NLRP5: variants seen among roughly 807,000 people sequenced by gnomAD.
NLRP5 encodes NLR family pyrin domain containing 5.
In NLRP5, 93 loss-of-function variants were observed where a neutral mutation model predicts 113.1. The ratio of observed to expected loss-of-function variants is 0.82; its 90% CI spans 0.70 to 0.98. The LOEUF is 0.98. Among genes scored for constraint, NLRP5 ranks in the 50% least tolerant of loss-of-function variants. The probability of loss-of-function intolerance (pLI) is 0.00; values close to 1 mark genes in which losing one functional copy is unlikely to be tolerated. For synonymous variants in NLRP5, 751 were observed against 600.7 expected, an observed-to-expected ratio of 1.25 and a Z score of -3.66; for missense variants, 1,808 against 1,514.3, an observed-to-expected ratio of 1.19 and a Z score of -3.22.
rs193035997 is a variant in NLRP5 at position 56,018,366 on chromosome 19, C to T, written c.566-976C>T. Among the ~76,000 whole-genome samples the T allele has an allele frequency of 6.8e-4, 103 of 152,280 alleles. 1 individual carries two copies. Among genetic ancestry groups the T allele is most frequent in the Non-Finnish European group, 3.2e-4 (22 of 68,024 alleles). ...ATTTAGCCTCACATGGTAACTATTT[C>T]CTGATAAATATATATAGTGGTTATT... On this transcript the variant is annotated intron_variant, in intron 4 of 14. Transcript: ENST00000390649.
At chr19:56,015,866 G>C in intron 4 of NLRP5, 68 bp downstream of exon 4, 6 of 1,226,410 alleles carry the variant, frequency 4.9e-6, no homozygotes, top group Non-Finnish European at 6.8e-6. Flanking sequence ...AGTTCATGTA[G>C]TTCAAAGGAC....
intron 11 of NLRP5, among the ~76,000 whole-genome samples, chr19:56,042,967 GTA>G (rs202099047): frequency 3.8e-4 from 52 of 135,658 alleles, no homozygotes; most frequent in African/African-American, 1.2e-3. Flanking sequence ...CATCATATAT[GTA>G]TGTGTGTGTG....
intron 3 of NLRP5, among the ~76,000 whole-genome samples, chr19:56,012,135 C>T (rs970983433): frequency 4.0e-5 from 6 of 151,756 alleles, no homozygotes; most frequent in South Asian, 2.1e-4. Flanking sequence ...GTGTTCTTCC[C>T]GTAGTGGCTG....
chr19:56,059,678 G>A (rs111444316), intron 14 of NLRP5, among the ~76,000 whole-genome samples: 20,399 of 152,114 alleles, frequency 0.13, 1,379 homozygotes, highest in East Asian at 0.14. Context: ...GGGATTATAG[G>A]TACGTGCCAC....
intron 6 of NLRP5, among the ~76,000 whole-genome samples, chr19:56,023,983 A>T (rs148948850): frequency 7.0e-4 from 106 of 152,242 alleles, no homozygotes; most frequent in African/African-American, 2.4e-3. Context: ...TTGAGTACCT[A>T]TCAGATATCA....
chr19:55,991,049 A>G, the NLRP5 span, among the ~76,000 whole-genome samples: 2 of 152,154 alleles, frequency 1.3e-5, no homozygotes, highest in African/African-American at 4.8e-5. Flanking sequence ...TGTTTACGTA[A>G]TGCATTCTTT....
At chr19:56,045,111 G>C (rs1242690145) in intron 11 of NLRP5, among the ~76,000 whole-genome samples, 1 of 152,192 alleles carries the variant, frequency 6.6e-6, no homozygotes, top group Admixed American at 6.6e-5. Flanking sequence ...CTTTCTGGAG[G>C]AGTCCTTAGA....
chr19:56,037,857 A>G (rs769072994), intron 9 of NLRP5, among the ~76,000 whole-genome samples, 168 bp from the exon 10 acceptor site: 13 of 151,918 alleles, frequency 8.6e-5, no homozygotes, highest in Non-Finnish European at 1.9e-4. Context: ...GGGAGGGAGG[A>G]GGGGAGGTTG....
chr19:56,019,623 C>G (rs536465290), intron 5 of NLRP5, among the ~76,000 whole-genome samples: 2 of 152,196 alleles, frequency 1.3e-5, no homozygotes, highest in Middle Eastern at 3.4e-3. Context: ...AGACAAAATT[C>G]TAAAGAACCC....
intron 13 of NLRP5, 37 bp downstream of exon 13, chr19:56,053,845 G>C (rs779261498): frequency 6.3e-7 from 1 of 1,597,970 alleles, no homozygotes; most frequent in Non-Finnish European, 8.6e-7. Flanking sequence ...GGCCGGGCTG[G>C]GAGGAGGTGG....
chr19:56,054,240 T>G (rs1008297032), intron 13 of NLRP5, among the ~76,000 whole-genome samples: 1 of 151,952 alleles, frequency 6.6e-6, no homozygotes, highest in Admixed American at 6.6e-5. Context: ...TCCAATATAG[T>G]GGACTATGGT....
intron 11 of NLRP5, among the ~76,000 whole-genome samples, chr19:56,046,150 G>A (rs306436): frequency 0.16 from 23,842 of 152,156 alleles, 1,965 homozygotes; most frequent in Middle Eastern, 0.22. Context: ...TTTGCTGAGA[G>A]TTTTAATCAT....
At chr19:56,000,468 C>G (rs1021902599) in intron 1 of NLRP5, among the ~76,000 whole-genome samples, 2 of 152,006 alleles carry the variant, frequency 1.3e-5, no homozygotes, top group African/African-American at 4.8e-5. Context: ...GGGTTCACAC[C>G]ATTCTCCTGC....
intron 9 of NLRP5, among the ~76,000 whole-genome samples, chr19:56,036,566 C>T (rs1245144185): frequency 6.6e-6 from 1 of 152,174 alleles, no homozygotes; most frequent in African/African-American, 2.4e-5. Context: ...TGCTCACAGG[C>T]CAGCACAGGG....
chr19:55,998,728 A>ATGTGTATATATATATATG (rs1555762465), upstream of NLRP5, among the ~76,000 whole-genome samples: 16 of 130,340 alleles, frequency 1.2e-4, no homozygotes, highest in Non-Finnish European at 2.2e-4. Flanking sequence ...ATATATATAT[A>ATGTGTATATATATATATG]TGTGTATATA....
the NLRP5 span, among the ~76,000 whole-genome samples, chr19:55,990,459 G>C: frequency 1.8e-3 from 271 of 152,150 alleles, 2 homozygotes; most frequent in African/African-American, 6.1e-3. Flanking sequence ...GGGAGGCCGA[G>C]GCAGGTGGAT....
upstream of NLRP5, among the ~76,000 whole-genome samples, chr19:55,995,328 T>C (rs1399788969): frequency 1.3e-5 from 2 of 152,206 alleles, no homozygotes; most frequent in Non-Finnish European, 2.9e-5. Context: ...CTGCACGTTG[T>C]GCACATGTAC....
At position 56,028,443 on chromosome 19, in the gene NLRP5, G is replaced by T. The variant is rs375006739; in HGVS notation, c.2210G>T (p.Arg737Leu). The T allele has an allele frequency of 3.9e-5, 63 of 1,613,898 alleles. No individual in the cohort carries two copies. Among genetic ancestry groups the T allele is most frequent in the Non-Finnish European group, 4.7e-5 (56 of 1,179,900 alleles). ...CACTGTCCGTATTTGCGGAAAATTCGGGTGGATGTCAAAGGGATCTTCCCA... is the reference window on the plus strand; with the variant it reads ...CACTGTCCGTATTTGCGGAAAATTCTGGTGGATGTCAAAGGGATCTTCCCA... Residue 737 changes from arginine to leucine, a missense_variant, in exon 7 of 15, where the codon CGG (arginine) becomes CTG (leucine). Transcript: ENST00000390649.
intron 14 of NLRP5, among the ~76,000 whole-genome samples, chr19:56,060,009 T>TG (rs1984293697): frequency 1.3e-5 from 2 of 152,160 alleles, no homozygotes; most frequent in South Asian, 4.1e-4. Context: ...GAAGACAGGA[T>TG]GAGGAAGGTG....
Sources: gnomAD v4.1 joint callset for allele counts (sites outside exome capture counted in the v4.1 genomes callset) on GRCh38, gnomAD v4.1.1 for gene constraint, MANE v1.5 for transcripts, NCBI Gene and HGNC (gene_info 2026-07-23, HGNC 2026-07-21) for gene names.